The following FILIP1 variants were observed in gnomAD, a reference collection of about 807,000 sequenced individuals.
FILIP1 encodes the protein filamin A interacting protein 1, also known as filamin-A-interacting protein 1.
FILIP1 carries 61 observed loss-of-function variants against 102.1 expected under a neutral mutation model. The observed-to-expected ratio is 0.60, with a 90% confidence interval of 0.49 to 0.74. FILIP1 has a LOEUF of 0.74. Among genes scored for constraint, FILIP1 ranks in the 30% least tolerant of loss-of-function variants. The pLI, the probability that FILIP1 is intolerant of heterozygous loss-of-function variation, is 0.00. For synonymous variants in FILIP1, 491 were observed against 526.9 expected, an observed-to-expected ratio of 0.93 and a Z score of 0.93; for missense variants, 1,314 against 1,441.2, an observed-to-expected ratio of 0.91 and a Z score of 1.43.
chr6:75,465,508 CT>C, intron 1 of FILIP1: 1 of 811,982 alleles, frequency 1.2e-6, no homozygotes, highest in Non-Finnish European at 2.0e-6. Context: ...GCTTCAGTGC[CT>C]AATAATGTCT....
intron 3 of FILIP1, among the ~76,000 whole-genome samples, chr6:75,355,584 G>A (rs1205086483): frequency 6.6e-6 from 1 of 151,968 alleles, no homozygotes; most frequent in Non-Finnish European, 1.5e-5. Flanking sequence ...TGTATTTTTA[G>A]TAGAGATGAG....
chr6:75,479,755 G>C (rs2149776328), intron 1 of FILIP1, among the ~76,000 whole-genome samples: 1 of 149,634 alleles, frequency 6.7e-6, no homozygotes. Context: ...TGTAATCCCA[G>C]CTCCTCGCGA....
chr6:75,386,139 G>A (rs1776088579), intron 2 of FILIP1: 1 of 152,112 alleles, frequency 6.6e-6, no homozygotes, highest in Non-Finnish European at 1.5e-5. Context: ...TATTGTTTCA[G>A]ACAATGATAT....
rs1193276970 is a variant in FILIP1, at chr6:75,312,946, A to G, written c.2886T>C (p.Pro962=). ...ITIIPSPNVM[P]QKQKSGDTTL... ...TAGTATCTCCACTTTTTTGTTTTTG[A>G]GGCATAACGTTTGGTGATGGAATAA... is the stretch of plus-strand genomic sequence containing the variant. The change falls in exon 5 of 6, where the codon CCT becomes CCC. Residue 962 remains proline, a synonymous_variant. Coordinates refer to ENST00000237172, the MANE Select transcript of FILIP1 (RefSeq NM_015687.5). 1 of 1,613,586 alleles carries G rather than the reference A, an allele frequency of 6.2e-7. No homozygotes were observed. Among genetic ancestry groups the G allele is most frequent in the South Asian group, 1.1e-5 (1 of 91,046 alleles).
At chr6:75,389,161 G>A (rs1776200700) in intron 2 of FILIP1, among the ~76,000 whole-genome samples, 1 of 152,190 alleles carries the variant, frequency 6.6e-6, no homozygotes, top group African/African-American at 2.4e-5. Context: ...CTGTTTATGT[G>A]ATGGATTACG....
chr6:75,491,519 AG>A (rs1195208163), intron 1 of FILIP1, among the ~76,000 whole-genome samples: 1 of 152,194 alleles, frequency 6.6e-6, no homozygotes, highest in Non-Finnish European at 1.5e-5. Context: ...GATGGCAACA[AG>A]GGGTAGGAGG....
intron 4 of FILIP1, among the ~76,000 whole-genome samples, chr6:75,352,711 C>T (rs1473712117): frequency 6.6e-6 from 1 of 151,938 alleles, no homozygotes; most frequent in Non-Finnish European, 1.5e-5. Context: ...GAATAGGATT[C>T]ATTTACACTT....
At chr6:75,476,583 C>T (rs754199819) in intron 1 of FILIP1, among the ~76,000 whole-genome samples, 4 of 152,166 alleles carry the variant, frequency 2.6e-5, no homozygotes, top group Non-Finnish European at 5.9e-5. Context: ...TCAACCTATT[C>T]TATATGCATA....
intron 2 of FILIP1, among the ~76,000 whole-genome samples, chr6:75,365,841 T>C (rs1170200160): frequency 6.6e-6 from 1 of 152,132 alleles, no homozygotes; most frequent in Non-Finnish European, 1.5e-5. Context: ...TCCCCAGAAA[T>C]AAAACAAAGG....
exon 7 of FILIP1, chr6:75,295,874 T>C (rs1772653547): frequency 7.3e-7 from 1 of 1,378,052 alleles, no homozygotes; most frequent in East Asian, 2.9e-5. Flanking sequence ...GATTCAGAGG[T>C]CGTACACACA....
chr6:75,407,409 G>A (rs1776901740), intron 2 of FILIP1, among the ~76,000 whole-genome samples: 1 of 152,040 alleles, frequency 6.6e-6, no homozygotes, highest in African/African-American at 2.4e-5. Context: ...TGTATTTTTA[G>A]TAGAGACGGG....
At chr6:75,342,528 A>C (rs987853048) in intron 4 of FILIP1, among the ~76,000 whole-genome samples, 2 of 152,248 alleles carry the variant, frequency 1.3e-5, no homozygotes, top group African/African-American at 4.8e-5. Flanking sequence ...TGCTCACCCA[A>C]GCCTAGTTTC....
At chr6:75,479,859 G>T (rs537447831) in intron 1 of FILIP1, among the ~76,000 whole-genome samples, 54 of 97,310 alleles carry the variant, frequency 5.5e-4, no homozygotes, top group Non-Finnish European at 7.4e-4. Context: ...ACAGAGTAAA[G>T]CTGTATCTCA....
intron 1 of FILIP1, among the ~76,000 whole-genome samples, chr6:75,418,476 A>T (rs1777345281): frequency 6.6e-6 from 1 of 152,230 alleles, no homozygotes; most frequent in South Asian, 2.1e-4. Context: ...AGGGACAATT[A>T]CAGACTCATT....
In FILIP1 at chr6:75,301,438, G is replaced by A. The variant is rs188119774; in HGVS notation, c.3494-5488C>T. Among the ~76,000 whole-genome samples the A allele has an allele frequency of 1.3e-3, 201 of 152,182 alleles. 1 individual carries two copies. Among genetic ancestry groups the A allele is most frequent in the Middle Eastern group, 6.8e-3 (2 of 294 alleles). On this transcript the variant is annotated intron_variant, in intron 6 of 6. Coordinates refer to the FILIP1 transcript ENST00000393004. The stretch of plus-strand genomic sequence containing the variant: ...TAATAAGATGCTTAGACATCTGTAC[G>A]CCTCAGGGATTTTTTTTAAAGGGTT...
chr6:75,336,979 G>A (rs975155118), intron 4 of FILIP1, among the ~76,000 whole-genome samples: 5 of 152,052 alleles, frequency 3.3e-5, no homozygotes, highest in African/African-American at 1.2e-4. Flanking sequence ...TGAAGGGCAG[G>A]GTTCTTTCTG....
At chr6:75,331,611 C>T (rs1276020100) in intron 4 of FILIP1, among the ~76,000 whole-genome samples, 1 of 152,216 alleles carries the variant, frequency 6.6e-6, no homozygotes, top group Non-Finnish European at 1.5e-5. Context: ...TTGCAGTTGT[C>T]GGCCTTCCCA....
intron 1 of FILIP1, among the ~76,000 whole-genome samples, chr6:75,419,501 G>A (rs1582476542): frequency 6.6e-6 from 1 of 152,138 alleles, no homozygotes; most frequent in East Asian, 1.9e-4. Context: ...ATAGAATTAT[G>A]AGGAAAAATT....
downstream of FILIP1, chr6:75,307,972 G>C: frequency 1.1e-6 from 1 of 892,448 alleles, no homozygotes; most frequent in Non-Finnish European, 1.3e-6. Flanking sequence ...TAGAGCACGA[G>C]TCTGACATTA....
Sources: gnomAD v4.1 joint callset for allele counts (sites outside exome capture counted in the v4.1 genomes callset) on GRCh38, gnomAD v4.1.1 for gene constraint, MANE v1.5 for transcripts, NCBI Gene and HGNC (gene_info 2026-07-23, HGNC 2026-07-21) for gene names.